Variants in PRKN observed in about 807,000 individuals in gnomAD.
The protein encoded by PRKN is parkin RBR E3 ubiquitin protein ligase, also known as E3 ubiquitin-protein ligase parkin.
In PRKN, 56 loss-of-function variants were observed where a neutral mutation model predicts 59.5. The ratio of observed to expected loss-of-function variants is 0.94; its 90% CI spans 0.76 to 1.18. PRKN has a LOEUF of 1.18. Among genes scored for constraint, PRKN ranks in the 50% most tolerant of loss-of-function variants. The pLI is 0.00. For synonymous variants in PRKN, 250 were observed against 222.1 expected, an observed-to-expected ratio of 1.13 and a Z score of -1.12; for missense variants, 657 against 596.4, an observed-to-expected ratio of 1.10 and a Z score of -1.06.
chr6:161,861,506 G>C (rs9365331), intron 6 of PRKN, among the ~76,000 whole-genome samples: 7,951 of 151,794 alleles, frequency 0.052, 215 homozygotes, highest in Non-Finnish European at 0.067. Flanking sequence ...GATGGGTTGA[G>C]GGGTGCAGCA....
At chr6:162,711,352 T>C (rs1009232728) in intron 1 of PRKN, among the ~76,000 whole-genome samples, 4 of 151,242 alleles carry the variant, frequency 2.6e-5, no homozygotes, top group East Asian at 1.9e-4. Flanking sequence ...CTGATACAGA[T>C]GCCTGCAGTA....
chr6:161,403,188 GC>G (rs1787122728), intron 9 of PRKN, among the ~76,000 whole-genome samples: 1 of 152,098 alleles, frequency 6.6e-6, no homozygotes, highest in South Asian at 2.1e-4. Flanking sequence ...GAACTGCAGG[GC>G]CCTCAGAGAG....
At chr6:161,557,685 T>G (rs1399388756) in intron 8 of PRKN, among the ~76,000 whole-genome samples, 1 of 152,174 alleles carries the variant, frequency 6.6e-6, no homozygotes, top group East Asian at 1.9e-4. Flanking sequence ...AATCTAATTT[T>G]AAAAACTACA....
chr6:161,802,676 TACATTCCC>T (rs928016910), intron 6 of PRKN, among the ~76,000 whole-genome samples: 9 of 152,178 alleles, frequency 5.9e-5, no homozygotes, highest in African/African-American at 2.2e-4. Context: ...GACCCCACCC[TACATTCCC>T]ACATTCCCAA....
At chr6:162,198,501 A>G (rs1784587729) in intron 4 of PRKN, among the ~76,000 whole-genome samples, 1 of 152,130 alleles carries the variant, frequency 6.6e-6, no homozygotes, top group Admixed American at 6.5e-5. Context: ...TAATATTAAT[A>G]GAATAACAAT....
intron 6 of PRKN, among the ~76,000 whole-genome samples, chr6:161,854,602 C>A (rs890320863): frequency 6.6e-6 from 1 of 151,980 alleles, no homozygotes. Flanking sequence ...TATACATATA[C>A]CTACATCTAA....
intron 8 of PRKN, among the ~76,000 whole-genome samples, chr6:161,564,461 C>A (rs924542973): frequency 6.6e-6 from 1 of 152,198 alleles, no homozygotes; most frequent in African/African-American, 2.4e-5. Context: ...TCAGCAGTAA[C>A]TGCCCTATGA....
intron 4 of PRKN, among the ~76,000 whole-genome samples, chr6:162,119,575 C>A (rs563775983): frequency 6.6e-6 from 1 of 152,246 alleles, no homozygotes; most frequent in East Asian, 1.9e-4. Flanking sequence ...TCAGCAAAAT[C>A]ACATGAGCTC....
At chr6:161,947,538 C>T (rs1353352972) in intron 6 of PRKN, among the ~76,000 whole-genome samples, 1 of 152,122 alleles carries the variant, frequency 6.6e-6, no homozygotes, top group Non-Finnish European at 1.5e-5. Flanking sequence ...AGCGGCTTCC[C>T]CAGACCACTC....
At chr6:162,278,716 C>T (rs2128105666) in intron 2 of PRKN, among the ~76,000 whole-genome samples, 1 of 152,240 alleles carries the variant, frequency 6.6e-6, no homozygotes, top group South Asian at 2.1e-4. Flanking sequence ...TTGAAATTTA[C>T]ATCACACATT....
In PRKN at chr6:161,399,899, T is replaced by C. The variant is rs1230811156; in HGVS notation, c.1084-13022A>G. 6.6e-6 allele frequency among the ~76,000 whole-genome samples: 1 copy of C among 152,228 alleles called. No homozygotes were observed. The highest frequency in any genetic ancestry group is 1.5e-5 in the Non-Finnish European group (1 of 68,048). On this transcript the variant is annotated intron_variant, in intron 9 of 11. Coordinates refer to ENST00000366898, the MANE Select transcript of PRKN (RefSeq NM_004562.3). This position sits in a 1 kb window ranked among gnomAD's most constrained non-coding sequence, Gnocchi z 4.4. ...GAAAAAGAAACAAGTAAAATTAATT[T>C]CAATATTTTACTTAACTAAATATAT...
Position 161,360,297 on chromosome 6 carries a change from T to A in PRKN, c.1168-92A>T. On this transcript the variant is annotated intron_variant, in intron 10 of 11. Coordinates refer to ENST00000366898, the MANE Select transcript of PRKN (RefSeq NM_004562.3). This position sits in a 1 kb window ranked among gnomAD's most constrained non-coding sequence, Gnocchi z 5.1. ...CCTGTACGTCGGTACAGGAAATTCTTGAAGACAGGAGTGCCTTCGGGCAAG... is the reference window on the plus strand; with the variant it reads ...CCTGTACGTCGGTACAGGAAATTCTAGAAGACAGGAGTGCCTTCGGGCAAG... The A allele has an allele frequency of 9.5e-7, 1 of 1,048,534 alleles. No homozygotes were observed. Among genetic ancestry groups the A allele is most frequent in the South Asian group, 1.3e-5 (1 of 79,168 alleles). The allele number at this position is 1,048,534 out of a possible 1,614,324, so 65.0% of individuals were successfully genotyped here. A position where few individuals can be genotyped will look rare whatever the true frequency, so the allele number is the denominator to read the frequency against.
At chr6:162,721,339 T>A (rs1778935367) in intron 1 of PRKN, among the ~76,000 whole-genome samples, 1 of 152,256 alleles carries the variant, frequency 6.6e-6, no homozygotes, top group South Asian at 2.1e-4. Flanking sequence ...TCTACAACGT[T>A]CTATTTCATA....
intron 1 of PRKN, among the ~76,000 whole-genome samples, chr6:162,636,157 C>A (rs889171808): frequency 1.1e-5 from 1 of 87,212 alleles, no homozygotes; most frequent in African/African-American, 7.6e-5. Flanking sequence ...TATAATTTGC[C>A]CACAAAAAAG....
Position 161,348,678 on chromosome 6 carries a change from T to C in PRKN, c.*1421A>G, listed in dbSNP as rs748283584. The C allele has an allele frequency of 2.4e-5, 5 of 210,290 alleles. No homozygotes were observed. The highest frequency in any genetic ancestry group is 4.8e-5 in the Non-Finnish European group (5 of 103,616). 13.0% of individuals were successfully genotyped at this position (210,290 alleles called of 1,614,324 possible). A position where few individuals can be genotyped will look rare whatever the true frequency, so the allele number is the denominator to read the frequency against. ...CTAAAAAGAGAAGCCCTGTTGCCGA[T>C]TTAATAATTTACAGTCTCTAAATCC... On this transcript the variant is annotated 3_prime_UTR_variant, in exon 12 of 12. Coordinates refer to ENST00000366898, the MANE Select transcript of PRKN (RefSeq NM_004562.3). The surrounding 1 kb of genome is among the most constrained non-coding windows in gnomAD (Gnocchi z 4.9).
chr6:161,568,632 G>T (rs1014257647), intron 8 of PRKN, among the ~76,000 whole-genome samples: 8 of 152,048 alleles, frequency 5.3e-5, no homozygotes, highest in African/African-American at 1.9e-4. Context: ...CTGGAAGTTA[G>T]GTCAATCAGC....
chr6:162,224,728 C>T (rs991574123), intron 3 of PRKN, among the ~76,000 whole-genome samples: 7 of 152,220 alleles, frequency 4.6e-5, no homozygotes, highest in East Asian at 1.9e-4. Context: ...TTTCTGGGCA[C>T]GGACCCACCC....
At chr6:161,709,544 T>C (rs992331552) in intron 7 of PRKN, among the ~76,000 whole-genome samples, 1 of 152,206 alleles carries the variant, frequency 6.6e-6, no homozygotes, top group Admixed American at 6.5e-5. Flanking sequence ...TAACCTTTGT[T>C]CTAAGCATAC....
intron 1 of PRKN, among the ~76,000 whole-genome samples, chr6:162,683,602 G>T (rs186152165): frequency 4.7e-3 from 714 of 152,080 alleles, no homozygotes; most frequent in Non-Finnish European, 7.9e-3. Flanking sequence ...TGTTATTTTG[G>T]TATCTGATAA....
Sources: gnomAD v4.1 joint callset for allele counts (sites outside exome capture counted in the v4.1 genomes callset) on GRCh38, gnomAD v4.1.1 for gene constraint, Gnocchi (gnomAD v3.1) non-coding constraint, MANE v1.5 for transcripts, NCBI Gene and HGNC (gene_info 2026-07-23, HGNC 2026-07-21) for gene names.